The following HAT1 variants were observed in gnomAD, a reference collection of about 807,000 sequenced individuals.
HAT1 encodes the protein histone acetyltransferase type B catalytic subunit.
HAT1 carries 20 observed loss-of-function variants against 56.6 expected under a neutral mutation model. That is an observed-to-expected ratio of 0.35 (90% confidence interval 0.25 to 0.51). The LOEUF is 0.51. Among genes scored for constraint, HAT1 ranks in the 20% least tolerant of loss-of-function variants. HAT1 has a pLI of 0.95. For missense variants in HAT1, 408 were observed against 504.3 expected, an observed-to-expected ratio of 0.81 and a Z score of 1.83; for synonymous variants, 146 against 165.5, an observed-to-expected ratio of 0.88 and a Z score of 0.91.
chr2:171,972,005 C>T (rs1046984597), intron 8 of HAT1, among the ~76,000 whole-genome samples: 1 of 152,164 alleles, frequency 6.6e-6, no homozygotes, highest in African/African-American at 2.4e-5. Flanking sequence ...AAGCAACACA[C>T]ATAGGGGCTG....
intron 4 of HAT1, among the ~76,000 whole-genome samples, chr2:171,963,431 T>A (rs1687618590): frequency 6.6e-6 from 1 of 152,164 alleles, no homozygotes; most frequent in Non-Finnish European, 1.5e-5. Context: ...AAAGTGCTAC[T>A]TGAAACTTAG....
At chr2:171,922,760 G>A (rs1686474003) in intron 1 of HAT1, 2 of 394,948 alleles carry the variant, frequency 5.1e-6, no homozygotes, top group Middle Eastern at 6.4e-4. Context: ...GGCCGAAGAC[G>A]CCAGGGAAAA....
chr2:171,926,958 A>G (rs1268532497), intron 2 of HAT1, among the ~76,000 whole-genome samples: 1 of 152,254 alleles, frequency 6.6e-6, no homozygotes, highest in Non-Finnish European at 1.5e-5. Flanking sequence ...ACGGAATACT[A>G]TTTGACAATA....
chr2:171,953,023 A>G (rs757316482), intron 4 of HAT1, 22 bp downstream of exon 4: 1 of 1,530,390 alleles, frequency 6.5e-7, no homozygotes. Context: ...AATACTTTTT[A>G]AACTGTTTTC....
intron 2 of HAT1, among the ~76,000 whole-genome samples, chr2:171,928,208 A>C (rs141566108): frequency 9.8e-5 from 15 of 152,292 alleles, no homozygotes; most frequent in Non-Finnish European, 2.1e-4. Context: ...TTTTAAAGCC[A>C]AGATTCGGGT....
chr2:171,925,291 C>T (rs34794040), intron 1 of HAT1, among the ~76,000 whole-genome samples: 2,025 of 152,016 alleles, frequency 0.013, 18 homozygotes, highest in Admixed American at 0.021. Context: ...AGGCTGACCT[C>T]GAACTCCTGA....
At chr2:171,947,116 A>G (rs1028327164) in intron 3 of HAT1, among the ~76,000 whole-genome samples, 13 of 152,222 alleles carry the variant, frequency 8.5e-5, no homozygotes, top group African/African-American at 3.1e-4. Flanking sequence ...CAGAGCCCAT[A>G]ATCATAACTA....
At chr2:171,958,548 A>C (rs1406527254) in intron 4 of HAT1, among the ~76,000 whole-genome samples, 2 of 152,086 alleles carry the variant, frequency 1.3e-5, no homozygotes, top group African/African-American at 4.8e-5. Context: ...TTGGCCTTCC[A>C]AAATGCTGGG....
At chr2:171,971,759 G>A (rs986592931) in intron 8 of HAT1, among the ~76,000 whole-genome samples, 1 of 151,970 alleles carries the variant, frequency 6.6e-6, no homozygotes, top group Admixed American at 6.6e-5. Flanking sequence ...TCAAATATAC[G>A]AGTTGAATTT....
intron 8 of HAT1, among the ~76,000 whole-genome samples, chr2:171,968,996 G>T (rs954090330): frequency 6.6e-6 from 1 of 152,162 alleles, no homozygotes. Flanking sequence ...ATGGATGGGT[G>T]TTTGTGGTAT....
intron 4 of HAT1, among the ~76,000 whole-genome samples, chr2:171,954,301 A>G (rs916630123): frequency 6.6e-6 from 1 of 152,200 alleles, no homozygotes. Flanking sequence ...TTTTGCTAAT[A>G]TATTCCTTTA....
intron 3 of HAT1, among the ~76,000 whole-genome samples, chr2:171,950,610 T>C (rs1436858173): frequency 1.3e-5 from 2 of 152,010 alleles, no homozygotes; most frequent in Admixed American, 6.6e-5. Context: ...TTCAAGCGAT[T>C]CTCCTGCCTC....
chr2:171,983,046 AAAC>A, intron 10 of HAT1, 136 bp from the exon 11 acceptor site: 1 of 524,510 alleles, frequency 1.9e-6, no homozygotes, highest in Non-Finnish European at 3.3e-6. Flanking sequence ...AAACAAAACA[AAAC>A]AAAAAAAAAA....
At chr2:171,945,736 T>A (rs1303334933) in intron 2 of HAT1, among the ~76,000 whole-genome samples, 1 of 152,122 alleles carries the variant, frequency 6.6e-6, no homozygotes, top group African/African-American at 2.4e-5. Flanking sequence ...TGGCACGATC[T>A]CGGCTCACTG....
intron 4 of HAT1, chr2:171,964,820 T>C (rs1356430229): frequency 6.7e-6 from 1 of 148,374 alleles, no homozygotes. Flanking sequence ...ATTTATGTTA[T>C]TTCCTAAATA....
intron 9 of HAT1, among the ~76,000 whole-genome samples, chr2:171,977,297 A>C (rs1454272950): frequency 1.3e-5 from 2 of 150,576 alleles, no homozygotes; most frequent in African/African-American, 4.9e-5. Flanking sequence ...CCATGTCTCT[A>C]CTACAAATAC....
intron 2 of HAT1, among the ~76,000 whole-genome samples, chr2:171,938,070 C>CTCTT (rs1686922233): frequency 7.6e-6 from 1 of 131,336 alleles, no homozygotes; most frequent in African/African-American, 2.8e-5. Context: ...CTCTCTCTCT[C>CTCTT]TCTCTTTAAA....
intron 8 of HAT1, among the ~76,000 whole-genome samples, chr2:171,975,465 T>G (rs1012532416): frequency 1.3e-5 from 2 of 152,154 alleles, no homozygotes. Context: ...CTTCAGGTTG[T>G]TTCATGGAAT....
Position 171,978,470 on chromosome 2 carries a change from C to T in HAT1, c.976-777C>T, listed in dbSNP as rs111661358. ...GTTTTAACTCTTACCTATATACTGA[C>T]ATTGCTTAAATCCTTGCCCTTAGAC... is the stretch of plus-strand genomic sequence containing the variant. On this transcript the variant is annotated intron_variant, in intron 9 of 10. Coordinates refer to ENST00000264108, the MANE Select transcript of HAT1 (RefSeq NM_003642.4). Among the ~76,000 whole-genome samples, 55 of 152,316 alleles carry T rather than the reference C, an allele frequency of 3.6e-4. 2 individuals carry two copies. The highest frequency in any genetic ancestry group is 1.3e-3 in the African/African-American group (54 of 41,560).
Sources: allele counts gnomAD v4.1 joint callset (sites outside exome capture counted in the v4.1 genomes callset), GRCh38; gene constraint gnomAD v4.1.1; transcripts MANE v1.5; gene names NCBI Gene and HGNC (gene_info 2026-07-23, HGNC 2026-07-21).